Variants in ANAPC4 observed in about 807,000 individuals in gnomAD.
ANAPC4 encodes the protein anaphase promoting complex subunit 4.
Under a neutral mutation model 119.8 loss-of-function variants are expected in ANAPC4, and 63 were observed. The ratio of observed to expected loss-of-function variants is 0.53; its 90% confidence interval spans 0.43 to 0.65. The LOEUF (loss-of-function observed/expected upper bound fraction) is 0.65, where lower values mean the gene tolerates loss of function less well. Among genes scored for constraint, ANAPC4 ranks in the 30% least tolerant of loss-of-function variants. ANAPC4 has a pLI of 0.00. For synonymous variants in ANAPC4, 283 were observed against 318.6 expected, an observed-to-expected ratio of 0.89 and a Z score of 1.19; for missense variants, 716 against 945.1, an observed-to-expected ratio of 0.76 and a Z score of 3.18.
chr4:25,409,734 C>T lies in ANAPC4; in HGVS notation c.1468C>T (p.Pro490Ser), dbSNP rs372887745. The T allele has an allele frequency of 1.2e-5, 19 of 1,613,030 alleles. No individual in the cohort carries two copies. In the African/African-American group the frequency reaches 2.5e-4, roughly 22 times the overall value. The change falls in exon 21 of 29, where the codon CCT (proline) becomes TCT (serine). Residue 490 changes from proline (P) to serine (S), a missense_variant. This residue lies in a region of ANAPC4 where 504 missense variants were observed against 615.8 expected (regional missense o/e 0.82). Coordinates refer to ENST00000315368, the MANE Select transcript of ANAPC4 (RefSeq NM_013367.3). ...TGAAGATGATGATCTTGTGTCACCC[C>T]CTAACACAGAAGGAAACCAGTGGTA... ...KDEDDDLVSPPNTEGNQWYDF... is the reference protein window; with the variant it reads ...KDEDDDLVSPSNTEGNQWYDF...
intron 14 of ANAPC4, among the ~76,000 whole-genome samples, chr4:25,396,359 T>C (rs112922803): frequency 6.6e-6 from 1 of 152,330 alleles, no homozygotes; most frequent in African/African-American, 2.4e-5. Context: ...TATTGAACAT[T>C]GACTGTGTAG....
chr4:25,380,831 C>G (rs753432530), intron 3 of ANAPC4, among the ~76,000 whole-genome samples: 1 of 152,230 alleles, frequency 6.6e-6, no homozygotes, highest in Non-Finnish European at 1.5e-5. Flanking sequence ...TGAGTTAGTT[C>G]AAAGCCATCA....
At chr4:25,389,115 T>C (rs1329637091) in intron 7 of ANAPC4, among the ~76,000 whole-genome samples, 1 of 151,066 alleles carries the variant, frequency 6.6e-6, no homozygotes, top group Non-Finnish European at 1.5e-5. Context: ...CTCAGCCTCC[T>C]CCGAGTAGCT....
intron 27 of ANAPC4, 25 bp downstream of exon 27, chr4:25,416,623 A>G (rs1723891806): frequency 1.4e-6 from 2 of 1,467,134 alleles, no homozygotes; most frequent in Non-Finnish European, 1.8e-6. Context: ...TGTCTTTCTG[A>G]TATTACAGTT....
chr4:25,386,471 A>G (rs1013161734), intron 4 of ANAPC4, among the ~76,000 whole-genome samples: 2 of 152,096 alleles, frequency 1.3e-5, no homozygotes, highest in African/African-American at 2.4e-5. Flanking sequence ...CGGCCTCCCA[A>G]AGCTCTGGGA....
At chr4:25,398,205 T>A (rs945824410) in intron 16 of ANAPC4, among the ~76,000 whole-genome samples, 1 of 152,256 alleles carries the variant, frequency 6.6e-6, no homozygotes, top group Non-Finnish European at 1.5e-5. Flanking sequence ...CTGAGAGTTT[T>A]TTGATTATTG....
At chr4:25,395,878 A>G (rs142732804) in intron 14 of ANAPC4, among the ~76,000 whole-genome samples, 3 of 152,272 alleles carry the variant, frequency 2.0e-5, no homozygotes, top group Non-Finnish European at 2.9e-5. Context: ...TGTCCTTTGA[A>G]TGTATTTTCC....
At chr4:25,385,284 C>CAT (rs1293229813) in intron 4 of ANAPC4, among the ~76,000 whole-genome samples, 4 of 152,154 alleles carry the variant, frequency 2.6e-5, no homozygotes, top group Admixed American at 6.5e-5. Context: ...CATACGTATA[C>CAT]ATATATATAT....
At chr4:25,410,344 C>G (rs1341354837) in intron 21 of ANAPC4, among the ~76,000 whole-genome samples, 1 of 152,150 alleles carries the variant, frequency 6.6e-6, no homozygotes, top group Non-Finnish European at 1.5e-5. Context: ...TTTTAAAGCT[C>G]GTATTTCTTT....
intron 10 of ANAPC4, among the ~76,000 whole-genome samples, 175 bp downstream of exon 10, chr4:25,392,596 C>G (rs1033064614): frequency 2.0e-5 from 3 of 152,186 alleles, no homozygotes; most frequent in African/African-American, 7.2e-5. Flanking sequence ...TGAGAACCTA[C>G]TTTCACCGCA....
intron 20 of ANAPC4, among the ~76,000 whole-genome samples, chr4:25,408,418 C>T (rs116826801): frequency 0.035 from 5,277 of 151,920 alleles, 300 homozygotes; most frequent in African/African-American, 0.12. Context: ...TTCTAAATGC[C>T]GCCACCTTTT....
intron 14 of ANAPC4, 66 bp downstream of exon 14, chr4:25,394,971 G>A (rs1261950875): frequency 3.2e-6 from 4 of 1,239,204 alleles, no homozygotes; most frequent in East Asian, 2.4e-5. Context: ...CCTTCTTTCC[G>A]CCGCCTTTTC....
chr4:25,391,053 T>G, intron 9 of ANAPC4, 38 bp downstream of exon 9: 1 of 1,429,176 alleles, frequency 7.0e-7, no homozygotes, highest in Non-Finnish European at 9.8e-7. Context: ...AGAGTAAATA[T>G]GTATTTAACA....
At position 25,411,947 on chromosome 4, in the gene ANAPC4, A is replaced by C. The variant is rs557623530; in HGVS notation, c.1526-1698A>C. On this transcript the variant is annotated intron_variant, in intron 21 of 28. Transcript: ENST00000315368. Reference sequence around the variant, plus strand: ...CGCAGACCTCACAGGATAAGGATGCAGTCCCACAAGACTGCCCTCGCGTCA... The same window carrying C: ...CGCAGACCTCACAGGATAAGGATGCCGTCCCACAAGACTGCCCTCGCGTCA... Among the ~76,000 whole-genome samples the C allele has an allele frequency of 1.3e-3, 193 of 152,318 alleles. 1 individual carries two copies. The highest frequency in any genetic ancestry group is 4.5e-3 in the African/African-American group (188 of 41,574).
At chr4:25,378,060 G>T (rs1721505916) in intron 2 of ANAPC4, among the ~76,000 whole-genome samples, 1 of 152,186 alleles carries the variant, frequency 6.6e-6, no homozygotes, top group Non-Finnish European at 1.5e-5. Context: ...TCTTGTCCAC[G>T]TTTTATAGTA....
intron 16 of ANAPC4, among the ~76,000 whole-genome samples, chr4:25,397,192 G>A (rs1215166323): frequency 6.6e-6 from 1 of 152,114 alleles, no homozygotes; most frequent in Non-Finnish European, 1.5e-5. Flanking sequence ...TTTCTAAATT[G>A]TATGACTATG....
At chr4:25,397,873 C>T (rs1722745803) in intron 16 of ANAPC4, among the ~76,000 whole-genome samples, 1 of 151,888 alleles carries the variant, frequency 6.6e-6, no homozygotes, top group Admixed American at 6.6e-5. Context: ...CCATTTTAAC[C>T]TGAATTCTCT....
intron 3 of ANAPC4, among the ~76,000 whole-genome samples, chr4:25,381,631 C>G (rs957764753): frequency 2.0e-5 from 3 of 151,982 alleles, no homozygotes; most frequent in African/African-American, 7.2e-5. Context: ...TAATTTTGTC[C>G]CTACATAAAT....
At chr4:25,389,160 T>G (rs908252341) in intron 7 of ANAPC4, among the ~76,000 whole-genome samples, 4 of 35,980 alleles carry the variant, frequency 1.1e-4, no homozygotes, top group African/African-American at 2.2e-4. Flanking sequence ...ACCCAGCTAA[T>G]TTTTTTTTTT....
Sources: allele counts gnomAD v4.1 joint callset (sites outside exome capture counted in the v4.1 genomes callset), GRCh38; gene constraint gnomAD v4.1.1; regional missense constraint gnomAD v4.1.1; transcripts MANE v1.5; gene names NCBI Gene and HGNC (gene_info 2026-07-23, HGNC 2026-07-21).